Variants in C2CD3 observed in about 807,000 individuals in gnomAD.
The protein encoded by C2CD3 is C2 domain-containing protein 3.
In C2CD3, 148 loss-of-function variants were observed where a neutral mutation model predicts 234.0. The observed-to-expected ratio is 0.63, with a 90% CI of 0.55 to 0.72. The LOEUF (loss-of-function observed/expected upper bound fraction) is 0.72, where lower values mean the gene tolerates loss of function less well. Ranked by LOEUF, C2CD3 falls within the 30% of genes least tolerant of loss-of-function variation. C2CD3 has a pLI of 0.00. For missense variants in C2CD3, 2,577 were observed against 2,811.5 expected, an observed-to-expected ratio of 0.92 and a Z score of 1.89; for synonymous variants, 1,000 against 1,035.4, an observed-to-expected ratio of 0.97 and a Z score of 0.66.
rs1419943082 is a variant in C2CD3, at chr11:74,033,600, C to T, written c.6560G>A (p.Ser2187Asn). Residue 2187 changes from serine to asparagine, a missense_variant, in exon 31 of 33, where the codon AGC becomes AAC. By Grantham distance (46) the Ser-to-Asn change is conservative. Coordinates refer to ENST00000334126, the MANE Select transcript of C2CD3 (RefSeq NM_001286577.2). ...TGGTGAGCTCCATCCAACAAACGTG[C>T]TGCTCTGTTGAGCTCCTGAGAGTGT... ...CPTLSGAQQS[S>N]TFVGWSSPQT... 3 of 1,536,072 alleles carry T rather than the reference C, an allele frequency of 2.0e-6. No individual in the cohort carries two copies. The highest frequency in any genetic ancestry group is 2.7e-5 in the African/African-American group (2 of 73,034).
chr11:74,106,182 C>T (rs919380198), intron 13 of C2CD3, among the ~76,000 whole-genome samples, 189 bp downstream of exon 13: 10 of 152,214 alleles, frequency 6.6e-5, no homozygotes, highest in Non-Finnish European at 1.0e-4. Context: ...CCATCTCCTA[C>T]TTTCTCACAG....
chr11:74,161,460 T>C lies in C2CD3; in HGVS notation c.422A>G (p.His141Arg). Residue 141 changes from histidine (H) to arginine (R), a missense_variant, in exon 3 of 33, where the codon CAT (histidine) becomes CGT (arginine). Coordinates refer to ENST00000334126, the MANE Select transcript of C2CD3 (RefSeq NM_001286577.2). Reference protein sequence around the residue: ...INGLAQLSPTHQINGFFTIVS... With the variant: ...INGLAQLSPTRQINGFFTIVS... Reference sequence around the variant, plus strand: ...AATGGTAAAAAATCCATTGATTTGATGGGTTGGAGAAAGTTGAGCTAGTCC... The same window carrying C: ...AATGGTAAAAAATCCATTGATTTGACGGGTTGGAGAAAGTTGAGCTAGTCC... The C allele has an allele frequency of 6.2e-7, 1 of 1,600,970 alleles. No individual in the cohort carries two copies. The highest frequency in any genetic ancestry group is 1.3e-5 in the African/African-American group (1 of 74,272).
chr11:74,016,323 T>A (rs896575461), intron 32 of C2CD3, among the ~76,000 whole-genome samples: 1 of 152,166 alleles, frequency 6.6e-6, no homozygotes, highest in Admixed American at 6.5e-5. Flanking sequence ...GGAGGTGGGC[T>A]CCAAGATGGG....
chr11:74,144,745 C>T (rs1422945388), intron 3 of C2CD3, among the ~76,000 whole-genome samples: 2 of 152,152 alleles, frequency 1.3e-5, no homozygotes, highest in Admixed American at 6.5e-5. Context: ...GGGATAATGG[C>T]CTCCAGTTCC....
At chr11:74,114,930 G>T (rs1032560543) in intron 9 of C2CD3, among the ~76,000 whole-genome samples, 1 of 151,838 alleles carries the variant, frequency 6.6e-6, no homozygotes, top group Admixed American at 6.6e-5. Flanking sequence ...TTGAACTCCC[G>T]GACTCAAGCA....
intron 4 of C2CD3, 115 bp downstream of exon 4, chr11:74,139,490 G>A: frequency 3.7e-6 from 3 of 811,306 alleles, no homozygotes; most frequent in Non-Finnish European, 6.4e-6. Flanking sequence ...TCTGCTAAAT[G>A]AGGACTGTGC....
At chr11:74,133,599 A>T in intron 5 of C2CD3, 42 bp from the exon 6 acceptor site, 1 of 1,607,076 alleles carries the variant, frequency 6.2e-7, no homozygotes, top group East Asian at 2.2e-5. Flanking sequence ...TCCAAAATGC[A>T]GCAGAAACAT....
Position 74,093,881 on chromosome 11 carries a change from T to C in C2CD3, c.3279A>G (p.Leu1093=), listed in dbSNP as rs1483386903. The C allele has an allele frequency of 6.2e-7, 1 of 1,614,048 alleles. No homozygotes were observed. The highest frequency in any genetic ancestry group is 2.2e-5 in the East Asian group (1 of 44,876). ...GGCCCTGTGCAGAGAAAGCACTTAGTAGGAGCCTTTGCACTGGAACCTCAG... is the reference window on the plus strand; with the variant it reads ...GGCCCTGTGCAGAGAAAGCACTTAGCAGGAGCCTTTGCACTGGAACCTCAG... ...LPAEVPVQRL[L]LSAFSAQGLV... The change falls in exon 18 of 33, where the codon CTA becomes CTG. Residue 1093 remains leucine, a synonymous_variant. Coordinates refer to ENST00000334126, the MANE Select transcript of C2CD3 (RefSeq NM_001286577.2).
chr11:74,049,551 G>A lies in C2CD3; in HGVS notation c.5156-9C>T, dbSNP rs374229625. On this transcript the variant is annotated splice_polypyrimidine_tract_variant and intron_variant, in intron 26 of 32. Transcript: ENST00000334126. ...AATCACCCTCTCCTCATCTGTAGAGGAAAGAGAAGAGCTGGGCAATGTGGC... is the reference window on the plus strand; with the variant it reads ...AATCACCCTCTCCTCATCTGTAGAGAAAAGAGAAGAGCTGGGCAATGTGGC... 1.2e-6 allele frequency: 2 copies of A among 1,609,542 alleles called. No individual in the cohort carries two copies. Among genetic ancestry groups the A allele is most frequent in the Non-Finnish European group, 8.5e-7 (1 of 1,178,082 alleles).
Position 74,146,712 on chromosome 11 carries a change from A to ACC in C2CD3, c.484-6885_484-6884insGG, listed in dbSNP as rs1565344547. Among the ~76,000 whole-genome samples, 27 of 53,180 alleles carry ACC rather than the reference A, an allele frequency of 5.1e-4. No individual in the cohort carries two copies. The South Asian group carries it at 0.017, about 34-fold the overall frequency. The allele number at this position is 53,180 out of a possible 152,430, so 34.9% of individuals were successfully genotyped here. Reference sequence around the variant, plus strand: ...TGTCTACAAGGCTAAAAGTCAAACCACACACACACACACACACACACACAC... The same window carrying ACC: ...TGTCTACAAGGCTAAAAGTCAAACCACCCACACACACACACACACACACACAC... On this transcript the variant is annotated intron_variant, in intron 3 of 32. Coordinates refer to ENST00000334126, the MANE Select transcript of C2CD3 (RefSeq NM_001286577.2).
At position 74,100,441 on chromosome 11, in the gene C2CD3, T is replaced by C. The variant is rs1287000012; in HGVS notation, c.2732+84A>G. 2.3e-6 allele frequency: 3 copies of C among 1,299,712 alleles called. No individual in the cohort carries two copies. The East Asian group carries it at 7.1e-5, about 31-fold the overall frequency. The allele number at this position is 1,299,712 out of a possible 1,614,324, so 80.5% of individuals were successfully genotyped here. On this transcript the variant is annotated intron_variant, in intron 15 of 32. Transcript: ENST00000334126. ...CTTCAAGGGATTACTGGGCTATTCA[T>C]GTTTGCAAATCAAAAGAATTCCTTT...
chr11:74,014,442 G>A (rs945566997), intron 32 of C2CD3, among the ~76,000 whole-genome samples: 4 of 152,144 alleles, frequency 2.6e-5, no homozygotes, highest in African/African-American at 9.7e-5. Flanking sequence ...CACTTCCTGG[G>A]CACTGAGAAG....
intron 29 of C2CD3, among the ~76,000 whole-genome samples, chr11:74,041,374 T>C (rs1953047603): frequency 6.6e-6 from 1 of 152,204 alleles, no homozygotes; most frequent in African/African-American, 2.4e-5. Context: ...CTGCACAAAA[T>C]GTCCTCCAAA....
At chr11:74,135,834 G>A (rs1341595879) in intron 5 of C2CD3, among the ~76,000 whole-genome samples, 1 of 152,180 alleles carries the variant, frequency 6.6e-6, no homozygotes, top group Non-Finnish European at 1.5e-5. Context: ...CAGTGCAACT[G>A]GAGGCCGTTA....
chr11:74,089,598 C>T (rs1312179213), intron 20 of C2CD3, among the ~76,000 whole-genome samples: 1 of 152,194 alleles, frequency 6.6e-6, no homozygotes, highest in Non-Finnish European at 1.5e-5. Flanking sequence ...AGTTAGGGAG[C>T]ACTTGTCTGT....
intron 7 of C2CD3, among the ~76,000 whole-genome samples, chr11:74,131,791 C>T (rs1480221053): frequency 2.0e-5 from 3 of 151,826 alleles, no homozygotes; most frequent in Admixed American, 6.6e-5. Flanking sequence ...AGGCTGGTCT[C>T]GAACTCCTGA....
chr11:74,155,508 C>T (rs918341502), intron 3 of C2CD3, among the ~76,000 whole-genome samples: 4 of 152,096 alleles, frequency 2.6e-5, no homozygotes, highest in Non-Finnish European at 5.9e-5. Context: ...ATCCAAATGT[C>T]TATCAACTTT....
At chr11:74,112,081 G>A (rs1956771703) in intron 11 of C2CD3, among the ~76,000 whole-genome samples, 2 of 152,230 alleles carry the variant, frequency 1.3e-5, no homozygotes, top group South Asian at 2.1e-4. Flanking sequence ...TTTGAACCAT[G>A]TGAATGGATT....
chr11:74,129,848 G>A (rs927673553), intron 7 of C2CD3: 2,163 of 165,064 alleles, frequency 0.013, 53 homozygotes, highest in African/African-American at 0.062. Flanking sequence ...CGAGGCTGGC[G>A]GATCACTCGC....
Sources: allele counts gnomAD v4.1 joint callset (sites outside exome capture counted in the v4.1 genomes callset), GRCh38; gene constraint gnomAD v4.1.1; transcripts MANE v1.5; gene names NCBI Gene and HGNC (gene_info 2026-07-23, HGNC 2026-07-21).